CPNE4: variants seen among roughly 807,000 people sequenced by gnomAD.
The protein encoded by CPNE4 is copine-4.
Under a neutral mutation model 67.9 loss-of-function variants are expected in CPNE4, and 25 were observed. The ratio of observed to expected loss-of-function variants is 0.37; its 90% CI spans 0.27 to 0.51. CPNE4 has a LOEUF of 0.51. Among genes scored for constraint, CPNE4 ranks in the 20% least tolerant of loss-of-function variants. The pLI is 0.93. For synonymous variants in CPNE4, 242 were observed against 244.9 expected (o/e 0.99, Z 0.11); for missense variants, 464 against 690.8 (o/e 0.67, Z 3.68).
At chr3:131,943,258 T>G (rs1350718876) in intron 1 of CPNE4, among the ~76,000 whole-genome samples, 1 of 152,180 alleles carries the variant, frequency 6.6e-6, no homozygotes, top group Non-Finnish European at 1.5e-5. Flanking sequence ...CCTCCTGTCA[T>G]TTCAAGTCAG....
At chr3:131,918,644 G>C (rs537038491) in intron 1 of CPNE4, among the ~76,000 whole-genome samples, 9 of 152,132 alleles carry the variant, frequency 5.9e-5, no homozygotes, top group Non-Finnish European at 1.2e-4. Context: ...CTGTGTGCTA[G>C]GGAACTGTTA....
At chr3:131,585,917 C>A (rs1938151166) in intron 8 of CPNE4, among the ~76,000 whole-genome samples, 1 of 152,106 alleles carries the variant, frequency 6.6e-6, no homozygotes, top group African/African-American at 2.4e-5. Context: ...GAGTACCTAA[C>A]AGAGCATTTA....
At chr3:131,905,748 C>T (rs953070139) in intron 1 of CPNE4, among the ~76,000 whole-genome samples, 2 of 152,158 alleles carry the variant, frequency 1.3e-5, no homozygotes, top group African/African-American at 4.8e-5. Context: ...GTTCAATAGG[C>T]TGCAAACTGT....
chr3:131,560,431 A>G (rs974151651), intron 11 of CPNE4, among the ~76,000 whole-genome samples: 6 of 151,986 alleles, frequency 3.9e-5, no homozygotes, highest in African/African-American at 1.4e-4. Context: ...TCCACATTCT[A>G]ATAACAACAA....
intron 2 of CPNE4, among the ~76,000 whole-genome samples, chr3:131,802,033 T>A (rs1439865743): frequency 1.3e-5 from 2 of 152,032 alleles, no homozygotes; most frequent in East Asian, 3.8e-4. Flanking sequence ...GTCGGTTTCA[T>A]AAATCAGGCT....
At chr3:131,716,557 C>T (rs1428555102) in intron 3 of CPNE4, among the ~76,000 whole-genome samples, 1 of 152,178 alleles carries the variant, frequency 6.6e-6, no homozygotes, top group Non-Finnish European at 1.5e-5. Context: ...GGTGCTCTCT[C>T]ACAATGTTTT....
chr3:131,933,085 G>A (rs991681942), intron 1 of CPNE4, among the ~76,000 whole-genome samples: 15 of 152,298 alleles, frequency 9.8e-5, no homozygotes, highest in Admixed American at 7.2e-4. Context: ...TGTGAAGCTT[G>A]AGAGGTAGCC....
intron 15 of CPNE4, among the ~76,000 whole-genome samples, chr3:131,537,213 G>A (rs906873757): frequency 6.6e-5 from 10 of 151,722 alleles, no homozygotes; most frequent in South Asian, 2.1e-4. Flanking sequence ...GTAGTATTTC[G>A]GAACTCTGTA....
At chr3:131,581,496 T>C in intron 9 of CPNE4, 83 bp downstream of exon 9, 2 of 885,814 alleles carry the variant, frequency 2.3e-6, no homozygotes, top group East Asian at 2.4e-5. Flanking sequence ...TTTGATACTC[T>C]TTTCCTCTGA....
chr3:131,777,147 G>T (rs17295091), intron 2 of CPNE4, among the ~76,000 whole-genome samples: 9,104 of 152,148 alleles, frequency 0.06, 345 homozygotes, highest in Non-Finnish European at 0.089. Flanking sequence ...CCTGAAAGGG[G>T]CGTTATCTTA....
chr3:131,592,986 G>A (rs1483084742), intron 7 of CPNE4, among the ~76,000 whole-genome samples: 1 of 152,162 alleles, frequency 6.6e-6, no homozygotes, highest in Non-Finnish European at 1.5e-5. Context: ...TAAAAGAAAT[G>A]TGCTATGCCA....
intron 2 of CPNE4, among the ~76,000 whole-genome samples, chr3:131,842,014 A>G (rs1214122919): frequency 1.3e-5 from 2 of 152,168 alleles, no homozygotes; most frequent in Non-Finnish European, 1.5e-5. Context: ...TTCTTTAGGA[A>G]TAGATGGAAT....
intron 1 of CPNE4, among the ~76,000 whole-genome samples, 187 bp downstream of exon 1, chr3:132,034,380 G>C (rs2074303318): frequency 6.6e-6 from 1 of 152,204 alleles, no homozygotes; most frequent in African/African-American, 2.4e-5. Flanking sequence ...GTAGGGGATG[G>C]AAGTCCCTTC....
intron 2 of CPNE4, among the ~76,000 whole-genome samples, chr3:131,738,235 C>T (rs972430050): frequency 2.0e-5 from 3 of 152,256 alleles, no homozygotes; most frequent in African/African-American, 7.2e-5. Flanking sequence ...TCGTAAGTAG[C>T]ATCTTTAGAT....
intron 3 of CPNE4, among the ~76,000 whole-genome samples, chr3:131,708,092 G>GACTA (rs33916424): frequency 5.8e-4 from 1 of 1,720 alleles, no homozygotes; most frequent in African/African-American, 3.4e-3. Flanking sequence ...TATTGGCTTA[G>GACTA]GGGTCCTGGC....
intron 11 of CPNE4, among the ~76,000 whole-genome samples, chr3:131,560,130 C>A (rs7622111): frequency 0.25 from 37,992 of 151,820 alleles, 6,316 homozygotes; most frequent in African/African-American, 0.47. Flanking sequence ...TAAAGATAAT[C>A]ACCTCTGACA....
At chr3:131,684,427 C>G (rs2080835257) in intron 6 of CPNE4, among the ~76,000 whole-genome samples, 1 of 152,292 alleles carries the variant, frequency 6.6e-6, no homozygotes, top group East Asian at 1.9e-4. Flanking sequence ...AATAGACATA[C>G]TATTTATATT....
chr3:131,756,617 C>A (rs1260390783), intron 2 of CPNE4, among the ~76,000 whole-genome samples: 1 of 152,196 alleles, frequency 6.6e-6, no homozygotes, highest in South Asian at 2.1e-4. Context: ...GAGGATCACC[C>A]CAGTGGAGAC....
At chr3:131,724,322 A>C (rs2081954812) in intron 2 of CPNE4, among the ~76,000 whole-genome samples, 1 of 152,160 alleles carries the variant, frequency 6.6e-6, no homozygotes, top group Non-Finnish European at 1.5e-5. Context: ...CAGTTTTCTC[A>C]TCAACAAAAT....
Sources: gnomAD v4.1 joint callset for allele counts (sites outside exome capture counted in the v4.1 genomes callset) on GRCh38, gnomAD v4.1.1 for gene constraint, MANE v1.5 for transcripts, NCBI Gene and HGNC (gene_info 2026-07-23, HGNC 2026-07-21) for gene names.